Variants in THSD4 observed in about 807,000 individuals in gnomAD.
The protein encoded by THSD4 is thrombospondin type 1 domain containing 4.
A neutral mutation model predicts 119.0 loss-of-function variants in THSD4; 69 were observed. That is an observed-to-expected ratio of 0.58 (90% CI 0.48 to 0.71). The LOEUF is 0.71. THSD4 is among the 30% of genes least tolerant of loss of function. The probability of loss-of-function intolerance (pLI) is 0.00; values close to 1 mark genes in which losing one functional copy is unlikely to be tolerated. For missense variants in THSD4, 1,393 were observed against 1,391.1 expected (o/e 1.00, Z -0.02); for synonymous variants, 524 against 540.4 (o/e 0.97, Z 0.42).
intron 6 of THSD4, among the ~76,000 whole-genome samples, chr15:71,311,085 C>A (rs945154507): frequency 6.6e-6 from 1 of 152,158 alleles, no homozygotes; most frequent in East Asian, 1.9e-4. Flanking sequence ...GGGCCTGGAG[C>A]CTTCCAATTT....
chr15:71,707,460 T>G (rs1032667634), intron 8 of THSD4, among the ~76,000 whole-genome samples: 3 of 152,172 alleles, frequency 2.0e-5, no homozygotes, highest in Non-Finnish European at 4.4e-5. Context: ...ATATCAGAGA[T>G]ATCAAAAGAA....
chr15:71,263,798 G>A (rs951479376), intron 6 of THSD4, among the ~76,000 whole-genome samples: 2 of 152,212 alleles, frequency 1.3e-5, no homozygotes, highest in African/African-American at 2.4e-5. Context: ...GGGAAGGGAG[G>A]TACCCTCCCA....
At chr15:71,440,421 T>C (rs1432312667) in intron 7 of THSD4, among the ~76,000 whole-genome samples, 1 of 152,210 alleles carries the variant, frequency 6.6e-6, no homozygotes, top group Non-Finnish European at 1.5e-5. Flanking sequence ...TAAAATACAA[T>C]GCATGGTGTT....
intron 2 of THSD4, among the ~76,000 whole-genome samples, chr15:71,153,183 T>G (rs2040742404): frequency 6.6e-6 from 1 of 152,200 alleles, no homozygotes; most frequent in Non-Finnish European, 1.5e-5. Flanking sequence ...TCCCTCTTGC[T>G]TGGCTTGGGG....
At chr15:71,464,912 A>G (rs983962929) in intron 7 of THSD4, among the ~76,000 whole-genome samples, 1 of 152,088 alleles carries the variant, frequency 6.6e-6, no homozygotes, top group Non-Finnish European at 1.5e-5. Flanking sequence ...TCAATTCCCT[A>G]CTTAGGAAAA....
At chr15:71,256,824 A>G in intron 6 of THSD4, 109 bp downstream of exon 6, 1 of 959,916 alleles carries the variant, frequency 1.0e-6, no homozygotes. Context: ...CTGGGGTGTC[A>G]ATAGGGGAGA....
intron 1 of THSD4, among the ~76,000 whole-genome samples, chr15:71,121,060 C>G (rs583711): frequency 6.6e-6 from 1 of 152,330 alleles, no homozygotes; most frequent in Non-Finnish European, 1.5e-5. Flanking sequence ...AACCCTCCGA[C>G]CATATCAGCA....
At chr15:71,295,075 A>G (rs561019097) in intron 6 of THSD4, among the ~76,000 whole-genome samples, 6 of 151,998 alleles carry the variant, frequency 3.9e-5, no homozygotes, top group Admixed American at 2.6e-4. Context: ...GCTGGAAGGG[A>G]TGCTCTGGTT....
At chr15:71,744,484 A>G (rs1595910463) in intron 11 of THSD4, among the ~76,000 whole-genome samples, 1 of 152,134 alleles carries the variant, frequency 6.6e-6, no homozygotes, top group Non-Finnish European at 1.5e-5. Flanking sequence ...GACGCTTGCC[A>G]AAGGGGGAGG....
At chr15:71,486,493 T>G (rs540170566) in intron 7 of THSD4, among the ~76,000 whole-genome samples, 8 of 152,300 alleles carry the variant, frequency 5.3e-5, no homozygotes, top group East Asian at 3.9e-4. Flanking sequence ...CACTTACGTG[T>G]GGCATAAGTG....
intron 7 of THSD4, among the ~76,000 whole-genome samples, chr15:71,638,005 G>A (rs554091986): frequency 1.3e-5 from 2 of 152,314 alleles, no homozygotes; most frequent in East Asian, 3.9e-4. Flanking sequence ...GGGATTACAG[G>A]TGTGAGCCGC....
At chr15:71,636,378 G>T (rs2050740072) in intron 7 of THSD4, among the ~76,000 whole-genome samples, 1 of 152,016 alleles carries the variant, frequency 6.6e-6, no homozygotes, top group Non-Finnish European at 1.5e-5. Context: ...AGCCGAGATG[G>T]TGCCACTGCA....
chr15:71,432,119 CAT>C (rs1217329631), intron 7 of THSD4, among the ~76,000 whole-genome samples: 1 of 152,028 alleles, frequency 6.6e-6, no homozygotes, highest in Non-Finnish European at 1.5e-5. Flanking sequence ...TTTTGGAACA[CAT>C]ATTACACATT....
chr15:71,696,226 G>T (rs1024159187), intron 8 of THSD4, among the ~76,000 whole-genome samples: 2 of 152,220 alleles, frequency 1.3e-5, no homozygotes, highest in Admixed American at 1.3e-4. Flanking sequence ...CATGGCCGTG[G>T]TTTTGGTGAG....
intron 10 of THSD4, chr15:71,733,209 G>A (rs2053016446): frequency 6.6e-6 from 1 of 152,206 alleles, no homozygotes; most frequent in African/African-American, 2.4e-5. Flanking sequence ...CAGGCCTGGA[G>A]GGGTCACCTG....
At chr15:71,714,336 A>G (rs2052567131) in intron 8 of THSD4, among the ~76,000 whole-genome samples, 1 of 152,162 alleles carries the variant, frequency 6.6e-6, no homozygotes, top group Non-Finnish European at 1.5e-5. Context: ...AGTGCCTGAC[A>G]CATAGTAGGT....
chr15:71,371,207 A>C (rs1339317062), intron 6 of THSD4, among the ~76,000 whole-genome samples: 1 of 152,170 alleles, frequency 6.6e-6, no homozygotes, highest in East Asian at 1.9e-4. Flanking sequence ...AATACAGCAC[A>C]CTGATGGGTC....
intron 7 of THSD4, among the ~76,000 whole-genome samples, chr15:71,455,317 G>A (rs2047323989): frequency 6.6e-6 from 1 of 152,210 alleles, no homozygotes; most frequent in African/African-American, 2.4e-5. Flanking sequence ...AGGTTGCATG[G>A]AAGGTGATAT....
Position 71,771,149 on chromosome 15 carries a change from C to T in THSD4, c.2855C>T (p.Pro952Leu). ...DDMTLSNLCD[P>L]QLKPEERESC... ...ATGACTCTAAGTAACCTCTGTGACC[C>T]TCAGTTGAAACCAGAAGAGAGAGAA... Residue 952 changes from proline to leucine, a missense_variant, in exon 17 of 18, where the codon CCT becomes CTT. By Grantham distance (98) the Pro-to-Leu change is moderately conservative. Transcript: ENST00000261862. 1 of 1,614,178 alleles carries T rather than the reference C, an allele frequency of 6.2e-7. No homozygotes were observed. The highest frequency in any genetic ancestry group is 8.5e-7 in the Non-Finnish European group (1 of 1,180,038).
Sources: gnomAD v4.1 joint callset for allele counts (sites outside exome capture counted in the v4.1 genomes callset) on GRCh38, gnomAD v4.1.1 for gene constraint, MANE v1.5 for transcripts, NCBI Gene and HGNC (gene_info 2026-07-23, HGNC 2026-07-21) for gene names.